Variants in PSD2 observed in about 807,000 individuals in gnomAD.
PSD2 encodes the protein pleckstrin and Sec7 domain containing 2, also known as PH and SEC7 domain-containing protein 2.
A neutral mutation model predicts 69.8 loss-of-function variants in PSD2; 38 were observed. The observed-to-expected ratio is 0.54, with a 90% confidence interval of 0.42 to 0.71. The LOEUF is 0.71. Among genes scored for constraint, PSD2 ranks in the 30% least tolerant of loss-of-function variants. The pLI is 0.00. For missense variants in PSD2, 943 were observed against 1,014.5 expected, an observed-to-expected ratio of 0.93 and a Z score of 0.96; for synonymous variants, 412 against 423.0, an observed-to-expected ratio of 0.97 and a Z score of 0.32.
At chr5:139,778,886 G>A in the PSD2 span, among the ~76,000 whole-genome samples, 8 of 145,602 alleles carry the variant, frequency 5.5e-5, no homozygotes, top group East Asian at 2.0e-4. Context: ...CCATGATAGT[G>A]CCCTTGCACT....
the PSD2 span, among the ~76,000 whole-genome samples, chr5:139,758,910 G>A: frequency 6.8e-6 from 1 of 148,044 alleles, no homozygotes; most frequent in Non-Finnish European, 1.5e-5. Context: ...AGCTGCCTTC[G>A]CCCAGGGTCC....
chr5:139,825,131 C>T (rs1376284276), intron 7 of PSD2, among the ~76,000 whole-genome samples: 4 of 152,198 alleles, frequency 2.6e-5, no homozygotes, highest in Non-Finnish European at 4.4e-5. Context: ...AGGTGGACAA[C>T]ACAGAAGTGA....
At chr5:139,775,449 A>G in the PSD2 span, 1 of 152,248 alleles carries the variant, frequency 6.6e-6, no homozygotes, top group Non-Finnish European at 1.5e-5. Flanking sequence ...GTGAGGAGAA[A>G]ATAAAGTCAT....
chr5:139,805,305 A>T (rs1759778051), intron 1 of PSD2, among the ~76,000 whole-genome samples: 1 of 152,196 alleles, frequency 6.6e-6, no homozygotes, highest in East Asian at 1.9e-4. Context: ...CTAGCATTCC[A>T]TCAGAATCTC....
chr5:139,831,990 A>G (rs181545928), intron 7 of PSD2, among the ~76,000 whole-genome samples: 1 of 152,258 alleles, frequency 6.6e-6, no homozygotes, highest in African/African-American at 2.4e-5. Flanking sequence ...GCTGGGAAGG[A>G]GCAGGTGCTT....
intron 7 of PSD2, among the ~76,000 whole-genome samples, chr5:139,827,467 C>T (rs1760455267): frequency 6.6e-6 from 1 of 152,208 alleles, no homozygotes; most frequent in Non-Finnish European, 1.5e-5. Flanking sequence ...GCACATATGA[C>T]AGAAGCACAA....
intron 8 of PSD2, among the ~76,000 whole-genome samples, chr5:139,835,493 C>T (rs777519357): frequency 6.6e-6 from 1 of 152,218 alleles, no homozygotes. Context: ...GTGAAGCTTA[C>T]AGTCTCCTAC....
At chr5:139,752,145 A>G in the PSD2 span, among the ~76,000 whole-genome samples, 1 of 151,890 alleles carries the variant, frequency 6.6e-6, no homozygotes, top group Non-Finnish European at 1.5e-5. Flanking sequence ...CAGATCCTCG[A>G]CACTGCCAAG....
the PSD2 span, chr5:139,745,115 C>T: frequency 1.3e-5 from 2 of 152,430 alleles, no homozygotes; most frequent in Middle Eastern, 3.4e-3. Context: ...ATGCTGCAGC[C>T]CAAGGTCCCA....
chr5:139,822,070 C>T lies in PSD2; in HGVS notation c.1210+65C>T. 3 of 1,039,644 alleles carry T rather than the reference C, an allele frequency of 2.9e-6. No individual in the cohort carries two copies. The East Asian group carries it at 7.6e-5, about 26-fold the overall frequency. 64.4% of individuals were successfully genotyped at this position (1,039,644 alleles called of 1,614,324 possible). On this transcript the variant is annotated intron_variant, in intron 6 of 14. Coordinates refer to ENST00000274710, the MANE Select transcript of PSD2 (RefSeq NM_032289.4). Reference sequence around the variant, plus strand: ...ACTCAGCCAGGCCCTGGTCCCCTCCCATCCTGGTCCACCTGGCACTTCGGT... The same window carrying T: ...ACTCAGCCAGGCCCTGGTCCCCTCCTATCCTGGTCCACCTGGCACTTCGGT...
chr5:139,830,700 T>TC (rs1760577286), intron 7 of PSD2, among the ~76,000 whole-genome samples: 1 of 147,762 alleles, frequency 6.8e-6, no homozygotes, highest in Non-Finnish European at 1.5e-5. Context: ...TTTTTTTTTT[T>TC]TTAGAGACAA....
chr5:139,785,240 T>A, the PSD2 span, among the ~76,000 whole-genome samples: 32 of 151,668 alleles, frequency 2.1e-4, no homozygotes, highest in South Asian at 4.2e-4. Context: ...CTTCCTTTTT[T>A]TTTTTTCAGG....
chr5:139,825,525 T>A (rs1760394421), intron 7 of PSD2, among the ~76,000 whole-genome samples: 1 of 152,172 alleles, frequency 6.6e-6, no homozygotes, highest in Non-Finnish European at 1.5e-5. Flanking sequence ...GAGATGATGG[T>A]AGCGTGGGTA....
chr5:139,755,181 G>T, the PSD2 span, among the ~76,000 whole-genome samples: 1 of 152,200 alleles, frequency 6.6e-6, no homozygotes, highest in Non-Finnish European at 1.5e-5. Context: ...TCAGGTCCTG[G>T]GTAGGTAGAT....
the PSD2 span, among the ~76,000 whole-genome samples, chr5:139,761,826 C>T: frequency 5.3e-3 from 804 of 152,222 alleles, 8 homozygotes; most frequent in African/African-American, 0.015. Flanking sequence ...TGGTCAGGAA[C>T]CCCTGGCTGT....
intron 1 of PSD2, among the ~76,000 whole-genome samples, chr5:139,798,133 C>T (rs1759579234): frequency 6.6e-6 from 1 of 152,226 alleles, no homozygotes; most frequent in Non-Finnish European, 1.5e-5. Context: ...TAGACTGGCT[C>T]TCCAAACAGG....
rs145649675 is a variant in PSD2, at chr5:139,810,591, G to C, written c.371+780G>C. Among the ~76,000 whole-genome samples, 481 of 152,340 alleles carry C rather than the reference G, an allele frequency of 3.2e-3. 3 individuals carry two copies. Among genetic ancestry groups the C allele is most frequent in the African/African-American group, 0.011 (466 of 41,576 alleles). On this transcript the variant is annotated intron_variant, in intron 2 of 14. Coordinates refer to ENST00000274710, the MANE Select transcript of PSD2 (RefSeq NM_032289.4). ...CGTGTTGGTATGCATGGGGTTGGTGGCTGTGGGTGGGGGGTGTTGGTGCCC... is the reference window on the plus strand; with the variant it reads ...CGTGTTGGTATGCATGGGGTTGGTGCCTGTGGGTGGGGGGTGTTGGTGCCC...
chr5:139,781,747 C>T, the PSD2 span, among the ~76,000 whole-genome samples: 1,283 of 151,982 alleles, frequency 8.4e-3, 14 homozygotes, highest in African/African-American at 0.029. Flanking sequence ...GATTCTCCTG[C>T]GTCAGCCTCC....
chr5:139,828,534 A>C (rs763762355), intron 7 of PSD2, among the ~76,000 whole-genome samples: 4 of 152,128 alleles, frequency 2.6e-5, no homozygotes, highest in Admixed American at 6.5e-5. Context: ...TCACACAATA[A>C]CCTTAAGGGA....
Sources: gnomAD v4.1 joint callset for allele counts (sites outside exome capture counted in the v4.1 genomes callset) on GRCh38, gnomAD v4.1.1 for gene constraint, MANE v1.5 for transcripts, NCBI Gene and HGNC (gene_info 2026-07-23, HGNC 2026-07-21) for gene names.